HHLA2: variants seen among roughly 807,000 people sequenced by gnomAD.
The protein encoded by HHLA2 is HHLA2 member of B7 family.
In HHLA2, 48 loss-of-function variants were observed where a neutral mutation model predicts 45.9. The ratio of observed to expected loss-of-function variants is 1.05; its 90% CI spans 0.83 to 1.33. The LOEUF is 1.33. HHLA2 is among the 40% of genes most tolerant of loss of function. The pLI, the probability that HHLA2 is intolerant of heterozygous loss-of-function variation, is 0.00. For missense variants in HHLA2, 462 were observed against 494.3 expected, an observed-to-expected ratio of 0.93 and a Z score of 0.62; for synonymous variants, 161 against 173.9, an observed-to-expected ratio of 0.93 and a Z score of 0.59.
At chr3:108,319,423 T>A (rs1367362341) in intron 2 of HHLA2, among the ~76,000 whole-genome samples, 1 of 152,248 alleles carries the variant, frequency 6.6e-6, no homozygotes, top group Non-Finnish European at 1.5e-5. Flanking sequence ...CTTCTTGCCT[T>A]CTTCAGCTCC....
chr3:108,362,360 C>T, exon 8 of HHLA2: 1 of 1,611,634 alleles, frequency 6.2e-7, no homozygotes, highest in Non-Finnish European at 8.5e-7. Context: ...CAAGAAACAG[C>T]TTCCCATAAC....
At chr3:108,355,453 A>C in intron 6 of HHLA2, 72 bp downstream of exon 5, 1 of 1,490,136 alleles carries the variant, frequency 6.7e-7, no homozygotes, top group African/African-American at 1.4e-5. Flanking sequence ...TGATTTGCAA[A>C]AAAAGAAAGG....
intron 2 of HHLA2, among the ~76,000 whole-genome samples, chr3:108,314,544 G>A (rs1432449072): frequency 2.6e-5 from 4 of 152,014 alleles, no homozygotes; most frequent in Non-Finnish European, 5.9e-5. Context: ...ATACCTTGAG[G>A]CTGGGCCTGG....
chr3:108,368,961 C>T (rs552506370), intron 8 of HHLA2, among the ~76,000 whole-genome samples: 4 of 152,144 alleles, frequency 2.6e-5, no homozygotes, highest in Non-Finnish European at 4.4e-5. Flanking sequence ...ATTCTAAAAT[C>T]GACCACATAA....
At chr3:108,297,344 G>C (rs779765344) in intron 1 of HHLA2, among the ~76,000 whole-genome samples, 19 of 152,096 alleles carry the variant, frequency 1.2e-4, no homozygotes, top group Admixed American at 3.9e-4. Context: ...GTCCAGAATG[G>C]CAAATTGGTG....
intron 3 of HHLA2, among the ~76,000 whole-genome samples, chr3:108,341,513 A>C (rs532171913): frequency 5.1e-4 from 78 of 152,278 alleles, no homozygotes; most frequent in Non-Finnish European, 4.4e-5. Context: ...TGTGTCTCTT[A>C]CATTTTACAT....
At chr3:108,329,375 T>C (rs1177407391) in intron 3 of HHLA2, among the ~76,000 whole-genome samples, 1 of 152,062 alleles carries the variant, frequency 6.6e-6, no homozygotes. Context: ...TCAAAACTCT[T>C]GGTTGCAAAT....
chr3:108,316,339 A>T (rs2081102522), intron 2 of HHLA2, among the ~76,000 whole-genome samples: 1 of 152,224 alleles, frequency 6.6e-6, no homozygotes. Context: ...CATGAATGCT[A>T]TTCTCATGAA....
At chr3:108,310,190 A>G (rs1378696040) in intron 1 of HHLA2, among the ~76,000 whole-genome samples, 1 of 152,092 alleles carries the variant, frequency 6.6e-6, no homozygotes, top group African/African-American at 2.4e-5. Flanking sequence ...ATCAGAGAAA[A>G]TATATTTTTC....
chr3:108,363,420 G>A (rs2082012504), intron 8 of HHLA2, among the ~76,000 whole-genome samples: 1 of 152,180 alleles, frequency 6.6e-6, no homozygotes, highest in African/African-American at 2.4e-5. Flanking sequence ...GGGAACTTGA[G>A]ATAGATCCTA....
At chr3:108,371,745 G>A (rs1384287024) in intron 8 of HHLA2, among the ~76,000 whole-genome samples, 7 of 152,168 alleles carry the variant, frequency 4.6e-5, no homozygotes, top group Non-Finnish European at 7.3e-5. Context: ...TTACATAATG[G>A]TAAAGGGATC....
chr3:108,324,652 T>C (rs985469237), intron 2 of HHLA2, among the ~76,000 whole-genome samples: 2 of 152,236 alleles, frequency 1.3e-5, no homozygotes, highest in Middle Eastern at 3.2e-3. Context: ...TTTAGTGTTA[T>C]ACCTAGGTGT....
At chr3:108,332,138 G>T (rs1195554520) in intron 3 of HHLA2, among the ~76,000 whole-genome samples, 1 of 152,094 alleles carries the variant, frequency 6.6e-6, no homozygotes, top group Admixed American at 6.6e-5. Context: ...GAGGAATTTG[G>T]TTCAAAAGCA....
chr3:108,361,909 G>T (rs2081989595), intron 7 of HHLA2, among the ~76,000 whole-genome samples: 1 of 152,078 alleles, frequency 6.6e-6, no homozygotes, highest in Admixed American at 6.6e-5. Flanking sequence ...ACTGGGCTGA[G>T]GCTAATTTAT....
At chr3:108,378,273 T>C (rs1226709592) in exon 11 of HHLA2, 6 of 152,206 alleles carry the variant, frequency 3.9e-5, no homozygotes, top group Non-Finnish European at 8.8e-5. Flanking sequence ...AACAGCTTTA[T>C]TGCTCACACA....
At chr3:108,319,500 T>G (rs2081161989) in intron 2 of HHLA2, among the ~76,000 whole-genome samples, 1 of 152,218 alleles carries the variant, frequency 6.6e-6, no homozygotes, top group African/African-American at 2.4e-5. Flanking sequence ...TGGCATCTGC[T>G]TCTCTGAAGA....
intron 7 of HHLA2, 93 bp downstream of exon 6, chr3:108,358,254 T>C: frequency 1.2e-6 from 1 of 804,702 alleles, no homozygotes. Flanking sequence ...TTTTCAAGAA[T>C]ACATTGATAC....
intron 1 of HHLA2, among the ~76,000 whole-genome samples, chr3:108,307,135 A>T (rs73204135): frequency 0.079 from 11,968 of 152,040 alleles, 552 homozygotes; most frequent in Non-Finnish European, 0.092. Flanking sequence ...TTTAAAAAAA[A>T]TTTTCTAACT....
At chr3:108,309,127 G>T (rs1213322967) in intron 1 of HHLA2, among the ~76,000 whole-genome samples, 1 of 152,066 alleles carries the variant, frequency 6.6e-6, no homozygotes, top group South Asian at 2.1e-4. Context: ...TCTTGTAACC[G>T]TTTCATGGTT....
Sources: allele counts gnomAD v4.1 joint callset (sites outside exome capture counted in the v4.1 genomes callset), GRCh38; gene constraint gnomAD v4.1.1; transcripts MANE v1.5; gene names NCBI Gene and HGNC (gene_info 2026-07-23, HGNC 2026-07-21).